ABLIM2: variants seen among roughly 807,000 people sequenced by gnomAD.
ABLIM2 encodes the protein actin binding LIM protein family member 2.
A neutral mutation model predicts 97.7 loss-of-function variants in ABLIM2; 53 were observed. The ratio of observed to expected loss-of-function variants is 0.54; its 90% CI spans 0.44 to 0.68. The LOEUF is 0.68. ABLIM2 is among the 30% of genes least tolerant of loss of function. The pLI is 0.00. For missense variants in ABLIM2, 835 were observed against 867.2 expected, an observed-to-expected ratio of 0.96 and a Z score of 0.47; for synonymous variants, 361 against 345.8, an observed-to-expected ratio of 1.04 and a Z score of -0.49.
intron 6 of ABLIM2, among the ~76,000 whole-genome samples, chr4:8,066,369 G>T (rs1291818078): frequency 6.5e-5 from 2 of 30,998 alleles, no homozygotes; most frequent in African/African-American, 2.7e-4. Context: ...AGGGAAGGAA[G>T]GAAGGAAGGA....
intron 20 of ABLIM2, among the ~76,000 whole-genome samples, chr4:7,971,514 G>T (rs1214253983): frequency 1.3e-5 from 2 of 152,174 alleles, no homozygotes; most frequent in Non-Finnish European, 2.9e-5. Context: ...CTCAGGCTCA[G>T]AGAGGTTGTG....
chr4:8,056,243 T>TACAG lies in ABLIM2; in HGVS notation c.764-2001_764-1998dup, dbSNP rs1799052249. ...CCACTTTTTGTTGGCTGCCTTATAG[T>TACAG]ACAGGTGTACCTACAAATGGAAGGG... On this transcript the variant is annotated intron_variant, in intron 7 of 20. Transcript: ENST00000447017. 3.3e-5 allele frequency among the ~76,000 whole-genome samples: 5 copies of TACAG among 151,420 alleles called. No homozygotes were observed. The South Asian group carries it at 1.0e-3, about 32-fold the overall frequency.
At chr4:8,089,624 A>G (rs1005483145) in intron 3 of ABLIM2, among the ~76,000 whole-genome samples, 1 of 150,756 alleles carries the variant, frequency 6.6e-6, no homozygotes, top group African/African-American at 2.4e-5. Context: ...AATCCCAGCT[A>G]CTTGAGAGGG....
At chr4:8,152,797 A>G (rs1341202592) in intron 1 of ABLIM2, among the ~76,000 whole-genome samples, 3 of 152,214 alleles carry the variant, frequency 2.0e-5, no homozygotes, top group Non-Finnish European at 4.4e-5. Flanking sequence ...ACCACGTGCC[A>G]GGCAGAGACT....
At chr4:8,105,289 C>T (rs1022558045) in intron 2 of ABLIM2, among the ~76,000 whole-genome samples, 1 of 152,218 alleles carries the variant, frequency 6.6e-6, no homozygotes, top group African/African-American at 2.4e-5. Flanking sequence ...CACACATATA[C>T]TTGGTTTTTA....
At position 8,001,518 on chromosome 4, in the gene ABLIM2, T is replaced by C. The variant is rs954527885; in HGVS notation, c.1618+6541A>G. On this transcript the variant is annotated intron_variant, in intron 16 of 20. Coordinates refer to ENST00000447017, the MANE Select transcript of ABLIM2 (RefSeq NM_001130083.2). The surrounding 1 kb of genome is among the most constrained non-coding windows in gnomAD (Gnocchi z 4.2). ...GTGGTGTATACCTCCAGCCACAGCA[T>C]CTTCTCCTGGGCTGGGGTCCTCGCC... Among the ~76,000 whole-genome samples, 1 of 152,090 alleles carries C rather than the reference T, an allele frequency of 6.6e-6. No homozygotes were observed. The highest frequency in any genetic ancestry group is 2.4e-5 in the African/African-American group (1 of 41,416).
intron 10 of ABLIM2, among the ~76,000 whole-genome samples, chr4:8,030,719 C>T (rs964621743): frequency 4.6e-5 from 7 of 152,260 alleles, no homozygotes; most frequent in African/African-American, 1.2e-4. Flanking sequence ...TGCCTCTCTA[C>T]CCCGGGCGTC....
intron 17 of ABLIM2, among the ~76,000 whole-genome samples, chr4:7,990,400 G>T (rs1292843556): frequency 6.6e-6 from 1 of 152,080 alleles, no homozygotes; most frequent in Non-Finnish European, 1.5e-5. Flanking sequence ...GAGGCAGGCT[G>T]GTCTTGAACT....
intron 16 of ABLIM2, among the ~76,000 whole-genome samples, chr4:8,000,153 G>A (rs1001653887): frequency 6.6e-6 from 1 of 152,112 alleles, no homozygotes; most frequent in Non-Finnish European, 1.5e-5. Flanking sequence ...TGAGGAAGGG[G>A]GGCACCCTTC....
rs116617687 is a variant in ABLIM2, at chr4:8,068,630, C to T, written c.676-7576G>A. On this transcript the variant is annotated intron_variant, in intron 6 of 20. Transcript: ENST00000447017. This position sits in a 1 kb window ranked among gnomAD's most constrained non-coding sequence, Gnocchi z 4.5. ...CCCCTTTCCTCCCTGAATCCAACCA[C>T]GGAATCCGGGTGCAAAGGCCTCCTC... 0.01 allele frequency among the ~76,000 whole-genome samples: 1,592 copies of T among 152,344 alleles called. 25 individuals carry two copies. The highest frequency in any genetic ancestry group is 0.033 in the African/African-American group (1,379 of 41,570).
At chr4:8,050,406 C>T (rs1393864262) in intron 8 of ABLIM2, among the ~76,000 whole-genome samples, 1 of 152,172 alleles carries the variant, frequency 6.6e-6, no homozygotes, top group East Asian at 1.9e-4. Flanking sequence ...GCAACCTTTC[C>T]TGGGGCCAGG....
intron 20 of ABLIM2, among the ~76,000 whole-genome samples, chr4:7,981,689 C>G (rs967492442): frequency 6.6e-6 from 1 of 152,232 alleles, no homozygotes; most frequent in Non-Finnish European, 1.5e-5. Flanking sequence ...TACAGTCACA[C>G]CAGTGTCCTG....
At chr4:8,049,074 T>C (rs1439035285) in intron 8 of ABLIM2, among the ~76,000 whole-genome samples, 2 of 152,170 alleles carry the variant, frequency 1.3e-5, no homozygotes, top group Non-Finnish European at 2.9e-5. Context: ...CACTGCCAGC[T>C]GGGCCCGGGC....
rs751026830 is a variant in ABLIM2 at position 8,124,043 on chromosome 4, C to T, written c.11-17406G>A. ...GAGACGACCACTCTTAACAGCTCAG[C>T]GGCTGCTCTACCATGTGCTTCTGTA... On this transcript the variant is annotated intron_variant, in intron 1 of 20. Transcript: ENST00000447017. The surrounding 1 kb of genome is among the most constrained non-coding windows in gnomAD (Gnocchi z 6.1). Among the ~76,000 whole-genome samples, 15 of 152,188 alleles carry T rather than the reference C, an allele frequency of 9.9e-5. No individual in the cohort carries two copies. The highest frequency in any genetic ancestry group is 2.4e-4 in the African/African-American group (10 of 41,440).
rs1852012260 is a variant in ABLIM2, at chr4:8,147,513, C to CGG, written c.10+11165_10+11166dup. Among the ~76,000 whole-genome samples the CGG allele has an allele frequency of 6.6e-6, 1 of 152,092 alleles. No homozygotes were observed. The highest frequency in any genetic ancestry group is 1.5e-5 in the Non-Finnish European group (1 of 68,020). ...GGGAGATGATTCTGGATGCTATGGG[C>CGG]GGGCTCTGAGTGCAATCTCAAGAGT... is the stretch of plus-strand genomic sequence containing the variant. On this transcript the variant is annotated intron_variant, in intron 1 of 20. Transcript: ENST00000447017. The surrounding 1 kb of genome is among the most constrained non-coding windows in gnomAD (Gnocchi z 5.3).
Position 8,004,045 on chromosome 4 carries a change from C to A in ABLIM2, c.1618+4014G>T, listed in dbSNP as rs1485971552. 6.6e-6 allele frequency among the ~76,000 whole-genome samples: 1 copy of A among 152,098 alleles called. No homozygotes were observed. The highest frequency in any genetic ancestry group is 2.4e-5 in the African/African-American group (1 of 41,420). ...CGCGAGAAGAACTCTTCTGCCCCAT[C>A]TTGCAGCTCCAGAGGAGTAAAAAGG... is the stretch of plus-strand genomic sequence containing the variant. On this transcript the variant is annotated intron_variant, in intron 16 of 20. Transcript: ENST00000447017. The surrounding 1 kb of genome is among the most constrained non-coding windows in gnomAD (Gnocchi z 5.9).
At position 8,033,473 on chromosome 4, in the gene ABLIM2, C is replaced by T. The variant is rs543377074; in HGVS notation, c.1047+2676G>A. On this transcript the variant is annotated intron_variant, in intron 10 of 20. Transcript: ENST00000447017. The surrounding 1 kb of genome is among the most constrained non-coding windows in gnomAD (Gnocchi z 4.5). ...AAGGGAGAAACCCTCAGGCTGCTCC[C>T]GGCCATCGGCATAGAGGAAGCTCTG... Among the ~76,000 whole-genome samples, 16 of 152,318 alleles carry T rather than the reference C, an allele frequency of 1.1e-4. No individual in the cohort carries two copies. The highest frequency in any genetic ancestry group is 2.6e-4 in the African/African-American group (11 of 41,582).
chr4:8,014,853 C>G (rs191806329), intron 14 of ABLIM2, among the ~76,000 whole-genome samples: 1 of 152,108 alleles, frequency 6.6e-6, no homozygotes, highest in Admixed American at 6.5e-5. Flanking sequence ...CCCCAGCCAG[C>G]GCCTTTGCCT....
At chr4:8,031,436 G>A (rs1288607026) in intron 10 of ABLIM2, among the ~76,000 whole-genome samples, 5 of 152,218 alleles carry the variant, frequency 3.3e-5, no homozygotes, top group African/African-American at 7.2e-5. Flanking sequence ...CCAGGCCTGG[G>A]ACATCAAAAG....
Sources: gnomAD v4.1 joint callset for allele counts (sites outside exome capture counted in the v4.1 genomes callset) on GRCh38, gnomAD v4.1.1 for gene constraint, Gnocchi (gnomAD v3.1) non-coding constraint, MANE v1.5 for transcripts, NCBI Gene and HGNC (gene_info 2026-07-23, HGNC 2026-07-21) for gene names.